Variants in AZIN2 observed in about 807,000 individuals in gnomAD.
The protein encoded by AZIN2 is ODC antizyme inhibitor-2.
A neutral mutation model predicts 47.8 loss-of-function variants in AZIN2; 28 were observed. That is an observed-to-expected ratio of 0.59 (90% CI 0.43 to 0.80). The LOEUF (loss-of-function observed/expected upper bound fraction) is 0.80, where lower values mean the gene tolerates loss of function less well. AZIN2 is among the 30% of genes least tolerant of loss of function. The pLI is 0.00. For synonymous variants in AZIN2, 221 were observed against 239.4 expected (o/e 0.92, Z 0.71); for missense variants, 535 against 582.5 (o/e 0.92, Z 0.84).
intron 5 of AZIN2, among the ~76,000 whole-genome samples, chr1:33,090,730 C>T (rs1420946721): frequency 6.6e-6 from 1 of 152,160 alleles, no homozygotes; most frequent in Non-Finnish European, 1.5e-5. Flanking sequence ...TATTCTTTAG[C>T]AATTTCCAAG....
chr1:33,132,132 A>G, the AZIN2 span, among the ~76,000 whole-genome samples: 2 of 152,276 alleles, frequency 1.3e-5, no homozygotes, highest in Non-Finnish European at 2.9e-5. Context: ...ATCAGGGTGT[A>G]TCTACTCTGG....
downstream of AZIN2, among the ~76,000 whole-genome samples, chr1:33,124,486 T>A (rs1287896933): frequency 6.6e-6 from 1 of 152,132 alleles, no homozygotes; most frequent in East Asian, 1.9e-4. This position sits in a 1 kb window ranked among gnomAD's most constrained non-coding sequence, Gnocchi z 4.6. Context: ...TTCCTTCACC[T>A]CTGCCCACAG....
chr1:33,132,008 G>A, the AZIN2 span, among the ~76,000 whole-genome samples: 32 of 152,186 alleles, frequency 2.1e-4, no homozygotes, highest in Admixed American at 4.6e-4. Flanking sequence ...GAGCAGGCTC[G>A]AGGGGCCTTC....
At chr1:33,126,199 T>A (rs1644855428), downstream of AZIN2, among the ~76,000 whole-genome samples, 1 of 152,230 alleles carries the variant, frequency 6.6e-6, no homozygotes, top group African/African-American at 2.4e-5. Flanking sequence ...TTCATGTAGA[T>A]GTTCAAGAAA....
At chr1:33,156,188 C>G in the AZIN2 span, among the ~76,000 whole-genome samples, 1 of 152,246 alleles carries the variant, frequency 6.6e-6, no homozygotes, top group East Asian at 1.9e-4. Flanking sequence ...ATTCTGTCCC[C>G]TCTACTGGAT....
chr1:33,111,286 A>G (rs1001078151), intron 10 of AZIN2, among the ~76,000 whole-genome samples: 2 of 152,188 alleles, frequency 1.3e-5, no homozygotes, highest in African/African-American at 4.8e-5. Context: ...AGGCCATTCC[A>G]GTGTATCTTC....
At position 33,089,254 on chromosome 1, in the gene AZIN2, C is replaced by G. The variant is rs74064964; in HGVS notation, c.280-2796C>G. ...GAGAATGTATATAAAATACTTAATG[C>G]AGTGACTGGCATAGGATATGCCTTC... On this transcript the variant is annotated intron_variant, in intron 5 of 11. Transcript: ENST00000294517. Among the ~76,000 whole-genome samples, 667 of 152,264 alleles carry G rather than the reference C, an allele frequency of 4.4e-3. 5 individuals are homozygous for G. The highest frequency in any genetic ancestry group is 0.015 in the African/African-American group (625 of 41,540).
At chr1:33,134,761 C>T in the AZIN2 span, among the ~76,000 whole-genome samples, 3 of 152,178 alleles carry the variant, frequency 2.0e-5, no homozygotes, top group Non-Finnish European at 4.4e-5. Flanking sequence ...CTGCGCCTGC[C>T]CTCTCTGGGA....
chr1:33,087,442 T>C (rs1642044057), intron 5 of AZIN2, among the ~76,000 whole-genome samples: 1 of 150,312 alleles, frequency 6.7e-6, no homozygotes, highest in Non-Finnish European at 1.5e-5. Context: ...CATATATATA[T>C]ATATTTTTTT....
chr1:33,099,381 C>A (rs1054680590), intron 10 of AZIN2, among the ~76,000 whole-genome samples: 1 of 152,152 alleles, frequency 6.6e-6, no homozygotes, highest in Admixed American at 6.5e-5. Flanking sequence ...GTAGGCCTCC[C>A]CAAGGTGCTG....
the AZIN2 span, chr1:33,159,545 T>C: frequency 1.6e-6 from 2 of 1,240,864 alleles, no homozygotes; most frequent in Non-Finnish European, 1.1e-6. This position sits in a 1 kb window ranked among gnomAD's most constrained non-coding sequence, Gnocchi z 4.2. Context: ...CTCCTACCCA[T>C]AGCAGATGTC....
At chr1:33,084,206 T>G in intron 5 of AZIN2, 79 bp downstream of exon 5, 2 of 1,560,072 alleles carry the variant, frequency 1.3e-6, no homozygotes, top group Non-Finnish European at 1.7e-6. Context: ...AGGTGGGCTC[T>G]GGGGAGCAAG....
the AZIN2 span, chr1:33,145,802 T>C: frequency 2.1e-6 from 1 of 467,124 alleles, no homozygotes; most frequent in Non-Finnish European, 4.4e-6. Flanking sequence ...TCTTCACGAT[T>C]GGATGCTGTG....
At position 33,093,402 on chromosome 1, in the gene AZIN2, G is replaced by C. The variant is rs1377400283; in HGVS notation, c.573G>C (p.Glu191Asp). Reference sequence around the variant, plus strand: ...AAAATGCGAAGAAGCACCATGTGGAGGTGGTGGGTGTGAGGTGAGCACTGG... The same window carrying C: ...AAAATGCGAAGAAGCACCATGTGGACGTGGTGGGTGTGAGGTGAGCACTGG... ...LLENAKKHHV[E>D]VVGVSFHIGS... Residue 191 changes from glutamate (E) to aspartate (D), a missense_variant, in exon 7 of 12, where the codon GAG (glutamate) becomes GAC (aspartate). Physicochemically the swap from Glu to Asp is conservative, Grantham distance 45. Transcript: ENST00000294517. 1.2e-6 allele frequency: 2 copies of C among 1,613,928 alleles called. No individual in the cohort carries two copies. The highest frequency in any genetic ancestry group is 1.7e-6 in the Non-Finnish European group (2 of 1,179,898).
Position 33,093,544 on chromosome 1 carries a change from C to T in AZIN2, c.587+128C>T, listed in dbSNP as rs1444345456. On this transcript the variant is annotated intron_variant, in intron 7 of 11. Transcript: ENST00000294517. ...GCCTGTCCCTGGGCCTGGAATTCTTCCATTTGAGAATTTCCTCTGTTTGAA... is the reference window on the plus strand; with the variant it reads ...GCCTGTCCCTGGGCCTGGAATTCTTTCATTTGAGAATTTCCTCTGTTTGAA... 11 of 1,238,968 alleles carry T rather than the reference C, an allele frequency of 8.9e-6. No individual in the cohort carries two copies. In the African/African-American group the frequency reaches 1.5e-4, roughly 17 times the overall value. The allele number at this position is 1,238,968 out of a possible 1,614,324, so 76.7% of individuals were successfully genotyped here.
At chr1:33,127,535 G>A (rs1644865757), downstream of AZIN2, among the ~76,000 whole-genome samples, 1 of 152,252 alleles carries the variant, frequency 6.6e-6, no homozygotes, top group South Asian at 2.1e-4. Context: ...CCGGGACTGA[G>A]GCGGCGTGGG....
intron 7 of AZIN2, among the ~76,000 whole-genome samples, chr1:33,094,151 A>C (rs149483841): frequency 8.5e-4 from 129 of 152,358 alleles, no homozygotes; most frequent in Non-Finnish European, 1.2e-3. Context: ...GTGCTGTGCT[A>C]AGTGCTTCAT....
At chr1:33,140,277 G>A in the AZIN2 span, among the ~76,000 whole-genome samples, 1 of 152,224 alleles carries the variant, frequency 6.6e-6, no homozygotes, top group African/African-American at 2.4e-5. This position sits in a 1 kb window ranked among gnomAD's most constrained non-coding sequence, Gnocchi z 4.0. Context: ...GGTTTACCCA[G>A]GTCTCGACTC....
chr1:33,162,448 G>A, the AZIN2 span, among the ~76,000 whole-genome samples: 3 of 152,292 alleles, frequency 2.0e-5, no homozygotes, highest in Middle Eastern at 3.4e-3. Context: ...TTAATACATT[G>A]TCCCACATTT....
Sources: gnomAD v4.1 joint callset for allele counts (sites outside exome capture counted in the v4.1 genomes callset) on GRCh38, gnomAD v4.1.1 for gene constraint, Gnocchi (gnomAD v3.1) non-coding constraint, MANE v1.5 for transcripts, NCBI Gene and HGNC (gene_info 2026-07-23, HGNC 2026-07-21) for gene names.